Variants in BORA observed in about 807,000 individuals in gnomAD.
The protein encoded by BORA is protein aurora borealis.
Under a neutral mutation model 55.8 loss-of-function variants are expected in BORA, and 26 were observed. The observed-to-expected ratio is 0.47, with a 90% confidence interval of 0.34 to 0.65. BORA has a LOEUF of 0.65. BORA is among the 30% of genes least tolerant of loss of function. BORA has a pLI of 0.01. For synonymous variants in BORA, 201 were observed against 216.9 expected (o/e 0.93, Z 0.64); for missense variants, 568 against 671.5 (o/e 0.85, Z 1.70).
At chr13:72,752,867 G>A (rs1169600079) in intron 10 of BORA, 1 of 152,154 alleles carries the variant, frequency 6.6e-6, no homozygotes, top group Non-Finnish European at 1.5e-5. Context: ...CTAACTTGCA[G>A]GGAGGGCTTA....
chr13:72,753,581 T>C (rs2033341098), intron 10 of BORA, 109 bp from the exon 11 acceptor site: 5 of 1,141,890 alleles, frequency 4.4e-6, no homozygotes, highest in African/African-American at 1.6e-5. Context: ...CAATATTACA[T>C]GTTAGGATCA....
chr13:72,749,999 C>T (rs545226471), intron 10 of BORA, among the ~76,000 whole-genome samples: 2 of 152,120 alleles, frequency 1.3e-5, no homozygotes, highest in Non-Finnish European at 2.9e-5. Flanking sequence ...ACGTAATAGC[C>T]GCTCATTAAA....
intron 4 of BORA, among the ~76,000 whole-genome samples, chr13:72,737,733 G>GT (rs2032956469): frequency 6.6e-6 from 1 of 151,966 alleles, no homozygotes; most frequent in East Asian, 1.9e-4. Flanking sequence ...AATCCTCTTA[G>GT]TTTAGTTTGC....
intron 10 of BORA, among the ~76,000 whole-genome samples, chr13:72,749,077 A>AT (rs2033210880): frequency 7.3e-6 from 1 of 137,028 alleles, no homozygotes; most frequent in South Asian, 2.6e-4. Flanking sequence ...TTTCTGCCAC[A>AT]TGGTTAGCTT....
Position 72,745,183 on chromosome 13 carries a change from G to A in BORA, c.714G>A (p.Arg238=). The change falls in exon 8 of 12, where the codon AGG becomes AGA. Residue 238 remains arginine, a synonymous_variant. Transcript: ENST00000390667. ...YSIDLSPVKC[R]SPLQTPSSGQ... The stretch of plus-strand genomic sequence containing the variant: ...TAGATTTGTCTCCTGTAAAGTGTAG[G>A]AGCCCCTTGCAGACACCAAGTTCGG... 1.2e-6 allele frequency: 2 copies of A among 1,613,956 alleles called. No homozygotes were observed. Among genetic ancestry groups the A allele is most frequent in the African/African-American group, 1.3e-5 (1 of 75,036 alleles).
chr13:72,740,706 C>T (rs529874383), intron 5 of BORA, among the ~76,000 whole-genome samples: 1 of 152,244 alleles, frequency 6.6e-6, no homozygotes, highest in Non-Finnish European at 1.5e-5. Context: ...AAAGTAGCCG[C>T]TGACAATATG....
At chr13:72,730,697 T>A (rs908940167) in intron 2 of BORA, among the ~76,000 whole-genome samples, 1 of 152,124 alleles carries the variant, frequency 6.6e-6, no homozygotes, top group African/African-American at 2.4e-5. Context: ...TTTTATATCT[T>A]TATTACTCTG....
In BORA at chr13:72,755,888, C is replaced by T. The variant is rs2033451702; in HGVS notation, c.*672C>T. 2 of 398,422 alleles carry T rather than the reference C, an allele frequency of 5.0e-6. No homozygotes were observed. Among genetic ancestry groups the T allele is most frequent in the Non-Finnish European group, 8.8e-6 (2 of 226,042 alleles). The allele number at this position is 398,422 out of a possible 1,614,324, so 24.7% of individuals were successfully genotyped here. A position where few individuals can be genotyped will look rare whatever the true frequency, so the allele number is the denominator to read the frequency against. On this transcript the variant is annotated 3_prime_UTR_variant, in exon 12 of 12. Transcript: ENST00000390667. ...GCCCAGAATAAAATATACCTCATGC[C>T]TAGGGTAGGGACATCCTTTCCAGCT...
At chr13:72,744,166 C>T (rs2033093858) in intron 6 of BORA, among the ~76,000 whole-genome samples, 2 of 152,172 alleles carry the variant, frequency 1.3e-5, no homozygotes, top group African/African-American at 2.4e-5. Flanking sequence ...TTGTTCAAAG[C>T]ATGTGAATTG....
In BORA at chr13:72,738,050, G is replaced by A. The variant is rs779282030; in HGVS notation, c.388+7G>A. On this transcript the variant is annotated splice_region_variant and intron_variant, in intron 5 of 11. Coordinates refer to ENST00000390667, the MANE Select transcript of BORA (RefSeq NM_024808.5). ...CAATGTCATTCCAGTAAATGTGAGTGTACTAAAAATGATATGAATAAAAAT... is the reference window on the plus strand; with the variant it reads ...CAATGTCATTCCAGTAAATGTGAGTATACTAAAAATGATATGAATAAAAAT... The A allele has an allele frequency of 3.8e-6, 6 of 1,575,244 alleles. No homozygotes were observed. Among genetic ancestry groups the A allele is most frequent in the Non-Finnish European group, 5.2e-6 (6 of 1,153,986 alleles).
At chr13:72,733,895 G>A (rs374811587) in intron 3 of BORA, among the ~76,000 whole-genome samples, 8 of 152,266 alleles carry the variant, frequency 5.3e-5, no homozygotes, top group African/African-American at 9.6e-5. Flanking sequence ...ATGAGATCGC[G>A]TCCTTTGCAT....
intron 4 of BORA, among the ~76,000 whole-genome samples, chr13:72,736,305 T>C (rs2032926281): frequency 1.3e-5 from 2 of 152,110 alleles, no homozygotes; most frequent in South Asian, 2.1e-4. Context: ...CATATACATA[T>C]AGTAAAAACA....
intron 3 of BORA, among the ~76,000 whole-genome samples, chr13:72,734,668 A>G (rs1463873645): frequency 6.6e-6 from 1 of 152,232 alleles, no homozygotes; most frequent in East Asian, 1.9e-4. Flanking sequence ...TATCAAATTT[A>G]TATTGTTAAA....
chr13:72,735,224 A>G (rs532346924), intron 4 of BORA, among the ~76,000 whole-genome samples: 229 of 152,284 alleles, frequency 1.5e-3, no homozygotes, highest in African/African-American at 5.2e-3. Flanking sequence ...TGTTGTAATG[A>G]TCAGTTTAGT....
At chr13:72,753,156 ATCTT>A (rs1268287952) in intron 10 of BORA, 1 of 152,194 alleles carries the variant, frequency 6.6e-6, no homozygotes, top group Non-Finnish European at 1.5e-5. Flanking sequence ...GTTCGCTAGA[ATCTT>A]TCTTTTTTGC....
At chr13:72,735,109 C>A in intron 4 of BORA, 104 bp downstream of exon 4, 2 of 864,820 alleles carry the variant, frequency 2.3e-6, no homozygotes, top group Non-Finnish European at 1.9e-6. Flanking sequence ...TGTCCTATCT[C>A]CCCTCCAAGC....
chr13:72,729,458 C>T (rs1322394921), intron 2 of BORA, among the ~76,000 whole-genome samples: 1 of 152,148 alleles, frequency 6.6e-6, no homozygotes, highest in African/African-American at 2.4e-5. Flanking sequence ...GTGTCAGATA[C>T]AGTGCTAAGC....
chr13:72,741,943 T>C (rs1179552672), intron 5 of BORA, among the ~76,000 whole-genome samples: 2 of 152,174 alleles, frequency 1.3e-5, no homozygotes, highest in African/African-American at 2.4e-5. Context: ...GCAACCATGC[T>C]AGAGAAATAG....
rs759981404 is a variant in BORA at position 72,746,000 on chromosome 13, C to T, written c.795C>T (p.Ser265=). Residue 265 remains serine, a synonymous_variant, in exon 9 of 12, where the codon AGC becomes AGT. Transcript: ENST00000390667. ...GTGCAAAAAAATACAGCTTGGGAAGCATAACTAGTCCTTCGCCTATTTCTT... is the reference window on the plus strand; with the variant it reads ...GTGCAAAAAAATACAGCTTGGGAAGTATAACTAGTCCTTCGCCTATTTCTT... The part of the protein sequence containing the change: ...QASAKKYSLG[S]ITSPSPISSP... 2 of 1,612,750 alleles carry T rather than the reference C, an allele frequency of 1.2e-6. No homozygotes were observed. Among genetic ancestry groups the T allele is most frequent in the East Asian group, 4.5e-5 (2 of 44,792 alleles).
Sources: gnomAD v4.1 joint callset for allele counts (sites outside exome capture counted in the v4.1 genomes callset) on GRCh38, gnomAD v4.1.1 for gene constraint, MANE v1.5 for transcripts, NCBI Gene and HGNC (gene_info 2026-07-23, HGNC 2026-07-21) for gene names.